The following KCNH8 variants were observed in gnomAD, a reference collection of about 807,000 sequenced individuals.
The protein encoded by KCNH8 is voltage-gated delayed rectifier potassium channel KCNH8.
KCNH8 carries 70 observed loss-of-function variants against 103.6 expected under a neutral mutation model. That is an observed-to-expected ratio of 0.68 (90% CI 0.56 to 0.82). KCNH8 has a LOEUF of 0.82. Ranked by LOEUF, KCNH8 falls within the 40% of genes least tolerant of loss-of-function variation. KCNH8 has a pLI of 0.00. For synonymous variants in KCNH8, 498 were observed against 489.4 expected, an observed-to-expected ratio of 1.02 and a Z score of -0.23; for missense variants, 1,217 against 1,329.9, an observed-to-expected ratio of 0.92 and a Z score of 1.32.
chr3:19,304,043 G>A (rs1003159963), intron 3 of KCNH8, among the ~76,000 whole-genome samples: 1 of 152,150 alleles, frequency 6.6e-6, no homozygotes, highest in Non-Finnish European at 1.5e-5. Flanking sequence ...TAAAAGAGGA[G>A]AAAATAAGCA....
intron 7 of KCNH8, among the ~76,000 whole-genome samples, chr3:19,431,427 A>G (rs1490652700): frequency 6.6e-6 from 1 of 151,880 alleles, no homozygotes; most frequent in South Asian, 2.1e-4. Context: ...TTCATCAAGG[A>G]TATTGACTTG....
chr3:19,230,282 T>G (rs1432291119), intron 1 of KCNH8, among the ~76,000 whole-genome samples: 1 of 152,198 alleles, frequency 6.6e-6, no homozygotes, highest in East Asian at 1.9e-4. Flanking sequence ...AGAACTTGTT[T>G]TAATAATTCA....
intron 8 of KCNH8, among the ~76,000 whole-genome samples, chr3:19,440,101 A>G (rs1372550): frequency 0.65 from 98,579 of 152,022 alleles, 32,470 homozygotes; most frequent in African/African-American, 0.72. Flanking sequence ...AGGAGAACCA[A>G]CATATGTATA....
intron 10 of KCNH8, among the ~76,000 whole-genome samples, chr3:19,453,572 T>C (rs1432762015): frequency 6.6e-6 from 1 of 152,124 alleles, no homozygotes; most frequent in East Asian, 1.9e-4. Flanking sequence ...CCCCCCAAAA[T>C]TGATATGTCA....
intron 1 of KCNH8, among the ~76,000 whole-genome samples, chr3:19,156,394 G>A (rs2125182494): frequency 6.6e-6 from 1 of 152,274 alleles, no homozygotes; most frequent in East Asian, 1.9e-4. Context: ...GACTAGGGTG[G>A]TTTGTGGTAT....
At chr3:19,375,339 G>A (rs962880725) in intron 5 of KCNH8, among the ~76,000 whole-genome samples, 51 of 148,914 alleles carry the variant, frequency 3.4e-4, no homozygotes, top group Non-Finnish European at 6.0e-4. Context: ...TTCCCTTCTC[G>A]CTTCATTTCA....
chr3:19,479,621 AC>A (rs1328034175), intron 11 of KCNH8, among the ~76,000 whole-genome samples: 4 of 152,150 alleles, frequency 2.6e-5, no homozygotes, highest in African/African-American at 9.7e-5. Context: ...GGTGTTATTT[AC>A]TATTTATGGG....
intron 2 of KCNH8, among the ~76,000 whole-genome samples, chr3:19,263,187 A>G (rs1176128825): frequency 6.6e-6 from 1 of 152,042 alleles, no homozygotes; most frequent in East Asian, 1.9e-4. Context: ...GTACTTGTGA[A>G]GAGCCCCAGG....
chr3:19,359,122 A>G (rs1437282481), intron 5 of KCNH8, among the ~76,000 whole-genome samples: 1 of 151,940 alleles, frequency 6.6e-6, no homozygotes, highest in Non-Finnish European at 1.5e-5. Context: ...TTTAAATTCA[A>G]AAATATGCCA....
intron 5 of KCNH8, among the ~76,000 whole-genome samples, chr3:19,369,525 G>A (rs999151620): frequency 2.0e-5 from 3 of 151,942 alleles, no homozygotes; most frequent in African/African-American, 7.2e-5. Context: ...GCATTTCAAT[G>A]TTGGTGGCCC....
chr3:19,174,029 C>G (rs1022078757), intron 1 of KCNH8, among the ~76,000 whole-genome samples: 9 of 151,242 alleles, frequency 6.0e-5, no homozygotes, highest in Non-Finnish European at 1.3e-4. Flanking sequence ...GACTTTGCCT[C>G]TCCAGCTCAC....
intron 2 of KCNH8, among the ~76,000 whole-genome samples, chr3:19,277,250 C>A (rs1166305859): frequency 6.6e-6 from 1 of 152,050 alleles, no homozygotes; most frequent in African/African-American, 2.4e-5. Flanking sequence ...TTTATTACCA[C>A]TGAACTGTAT....
chr3:19,307,011 A>G (rs559650473), intron 3 of KCNH8, among the ~76,000 whole-genome samples: 179 of 152,030 alleles, frequency 1.2e-3, no homozygotes, highest in Non-Finnish European at 2.1e-3. Flanking sequence ...TGGTACTGGC[A>G]TAGAAAGAGA....
intron 10 of KCNH8, among the ~76,000 whole-genome samples, chr3:19,452,766 G>C (rs1169961972): frequency 6.6e-6 from 1 of 152,166 alleles, no homozygotes; most frequent in Non-Finnish European, 1.5e-5. Flanking sequence ...TTACAACACA[G>C]AGAGACAGAT....
chr3:19,195,423 A>G (rs1332840503), intron 1 of KCNH8, among the ~76,000 whole-genome samples: 1 of 151,768 alleles, frequency 6.6e-6, no homozygotes, highest in Non-Finnish European at 1.5e-5. Flanking sequence ...TTTCCCTCAC[A>G]GTATATTCAT....
At chr3:19,461,991 A>G (rs535291368) in intron 11 of KCNH8, among the ~76,000 whole-genome samples, 136 of 152,254 alleles carry the variant, frequency 8.9e-4, no homozygotes, top group African/African-American at 3.2e-3. Flanking sequence ...TTATGGCTGC[A>G]TAGTATTCCA....
At chr3:19,354,364 G>A (rs1261742515) in intron 5 of KCNH8, among the ~76,000 whole-genome samples, 1 of 152,124 alleles carries the variant, frequency 6.6e-6, no homozygotes, top group African/African-American at 2.4e-5. Context: ...TTTCTTCACA[G>A]AATTGGAAAA....
Position 19,342,671 on chromosome 3 carries a change from G to A in KCNH8, c.527G>A (p.Gly176Glu). The A allele has an allele frequency of 6.2e-7, 1 of 1,610,658 alleles. No individual in the cohort carries two copies. Among genetic ancestry groups the A allele is most frequent in the Non-Finnish European group, 8.5e-7 (1 of 1,177,676 alleles). ...RSRAVLYHISGHLQRREKNKL... is the reference protein window; with the variant it reads ...RSRAVLYHISEHLQRREKNKL... ...CGAGCAGTCCTTTATCACATCTCTG[G>A]GCACCTGCAAAGAAGAGAAAAGAAC... The change falls in exon 4 of 16, where the codon GGG (glycine) becomes GAG (glutamate). Residue 176 changes from glycine (G) to glutamate (E), a missense_variant. By Grantham distance (98) the Gly-to-Glu change is moderately conservative. This residue lies in a region of KCNH8 where 244 missense variants were observed against 256.8 expected (regional missense o/e 0.95). Transcript: ENST00000328405.
intron 7 of KCNH8, among the ~76,000 whole-genome samples, chr3:19,425,367 C>T (rs1236436518): frequency 6.6e-6 from 1 of 152,120 alleles, no homozygotes; most frequent in African/African-American, 2.4e-5. Flanking sequence ...CTTAGTATCA[C>T]CTTATTTACA....
Sources: allele counts gnomAD v4.1 joint callset (sites outside exome capture counted in the v4.1 genomes callset), GRCh38; gene constraint gnomAD v4.1.1; regional missense constraint gnomAD v4.1.1; transcripts MANE v1.5; gene names NCBI Gene and HGNC (gene_info 2026-07-23, HGNC 2026-07-21).